The following AKNAD1 variants were observed in gnomAD, a reference collection of about 807,000 sequenced individuals.
The protein encoded by AKNAD1 is AKNA domain containing 1.
AKNAD1 carries 67 observed loss-of-function variants against 90.8 expected under a neutral mutation model. That is an observed-to-expected ratio of 0.74 (90% CI 0.61 to 0.90). The LOEUF is 0.90. AKNAD1 is among the 40% of genes least tolerant of loss of function. The pLI is 0.00. For synonymous variants in AKNAD1, 327 were observed against 341.4 expected (o/e 0.96, Z 0.46); for missense variants, 957 against 975.4 (o/e 0.98, Z 0.25).
chr1:108,825,094 C>A (rs1245991564), intron 11 of AKNAD1, among the ~76,000 whole-genome samples: 1 of 151,570 alleles, frequency 6.6e-6, no homozygotes, highest in Non-Finnish European at 1.5e-5. Context: ...GGAACTGAGA[C>A]CTCCTGCCAA....
At chr1:108,827,868 G>A (rs1453308186) in intron 10 of AKNAD1, among the ~76,000 whole-genome samples, 3 of 150,910 alleles carry the variant, frequency 2.0e-5, no homozygotes, top group Admixed American at 1.3e-4. Flanking sequence ...GTTTTGTTCT[G>A]CCGAGGTTAA....
At chr1:108,846,139 C>T (rs2101207531) in intron 5 of AKNAD1, among the ~76,000 whole-genome samples, 1 of 152,280 alleles carries the variant, frequency 6.6e-6, no homozygotes, top group East Asian at 1.9e-4. Flanking sequence ...GCTCCAAAAT[C>T]CAAATGCTTT....
At position 108,817,173 on chromosome 1, in the gene AKNAD1, T is replaced by C; in HGVS notation, c.2254A>G (p.Lys752Glu). The change falls in exon 15 of 16, where the codon AAA (lysine) becomes GAA (glutamate). Residue 752 changes from lysine to glutamate, a missense_variant. Transcript: ENST00000370001. ...GEHEPTPGKK[K>E]LQAFMTYSSD... ...CTGTAGGTCATGAAAGCCTGAAGTT[T>C]TTTTCTGGAAGACAAAAGCACATTG... 6.2e-7 allele frequency: 1 copy of C among 1,613,946 alleles called. No individual in the cohort carries two copies. Among genetic ancestry groups the C allele is most frequent in the Non-Finnish European group, 8.5e-7 (1 of 1,179,940 alleles).
rs768258990 is a variant in AKNAD1, at chr1:108,823,606, A to C, written c.2019T>G (p.Ile673Met). Residue 673 changes from isoleucine (I) to methionine (M), a missense_variant, in exon 12 of 16, where the codon ATT becomes ATG. Transcript: ENST00000370001. ...SNKCQDCGTK[I>M]PTSRRACRKE... ...TCCTGCAGGCTCTTCGGGAGGTAGG[A>C]ATCTTAGTGCCACAGTCCTGACATT... is the stretch of plus-strand genomic sequence containing the variant. The C allele has an allele frequency of 6.2e-7, 1 of 1,614,158 alleles. No individual in the cohort carries two copies. The highest frequency in any genetic ancestry group is 8.5e-7 in the Non-Finnish European group (1 of 1,180,022).
At chr1:108,856,507 T>C (rs1011996421) in intron 1 of AKNAD1, among the ~76,000 whole-genome samples, 1 of 151,840 alleles carries the variant, frequency 6.6e-6, no homozygotes, top group African/African-American at 2.4e-5. Flanking sequence ...TGAGAACAGC[T>C]TGGGCAACAA....
At chr1:108,827,429 C>T (rs1054886936) in intron 10 of AKNAD1, 127 bp from the exon 11 acceptor site, 13 of 678,988 alleles carry the variant, frequency 1.9e-5, no homozygotes, top group Admixed American at 9.9e-5. Flanking sequence ...AGGGGCTTGT[C>T]ATCCTCTACA....
chr1:108,856,731 A>ACACACACACACACACAC (rs1553205559), intron 1 of AKNAD1, among the ~76,000 whole-genome samples, 198 bp downstream of exon 1: 3 of 145,200 alleles, frequency 2.1e-5, no homozygotes, highest in South Asian at 2.1e-4. Flanking sequence ...CACACACATA[A>ACACACACACACACACAC]ACACACACAC....
intron 11 of AKNAD1, among the ~76,000 whole-genome samples, chr1:108,825,081 C>T (rs528254362): frequency 5.3e-5 from 8 of 151,640 alleles, no homozygotes; most frequent in South Asian, 4.2e-4. Context: ...GCCCACATGT[C>T]AGGGAACTGA....
chr1:108,857,746 C>T (rs1312460313), upstream of AKNAD1, among the ~76,000 whole-genome samples: 1 of 152,168 alleles, frequency 6.6e-6, no homozygotes, highest in African/African-American at 2.4e-5. Flanking sequence ...CTTATCTGCC[C>T]CTCCACTAAG....
chr1:108,848,610 C>T, intron 5 of AKNAD1, 142 bp downstream of exon 5: 1 of 716,962 alleles, frequency 1.4e-6, no homozygotes, highest in Non-Finnish European at 2.3e-6. Context: ...CTTTTAGCCC[C>T]CATAAACAAA....
At chr1:108,840,395 T>C (rs1411796609) in intron 6 of AKNAD1, among the ~76,000 whole-genome samples, 3 of 152,132 alleles carry the variant, frequency 2.0e-5, no homozygotes, top group African/African-American at 7.2e-5. Flanking sequence ...ATGTGTAAAA[T>C]CTGCATGAAG....
chr1:108,840,628 A>T (rs1049695090), intron 6 of AKNAD1, among the ~76,000 whole-genome samples: 1 of 152,226 alleles, frequency 6.6e-6, no homozygotes, highest in Admixed American at 6.5e-5. Flanking sequence ...GTTTATGTGG[A>T]TAATGTAGAA....
At chr1:108,848,185 G>T (rs1438709018) in intron 5 of AKNAD1, among the ~76,000 whole-genome samples, 1 of 152,070 alleles carries the variant, frequency 6.6e-6, no homozygotes, top group African/African-American at 2.4e-5. Flanking sequence ...GCATACTTCT[G>T]GTTCTCCCAG....
rs1664879384 is a variant in AKNAD1, at chr1:108,851,979, T to C, written c.686A>G (p.Gln229Arg). 2 of 1,614,100 alleles carry C rather than the reference T, an allele frequency of 1.2e-6. No individual in the cohort carries two copies. The highest frequency in any genetic ancestry group is 1.7e-6 in the Non-Finnish European group (2 of 1,180,050). ...KGPGDKQKSY[Q>R]GQSPQKQQTE... ...CTGCTGTTTCTGGGGTGACTGCCCT[T>C]GATAACTTTTTTGTTTATCACCTGG... Residue 229 changes from glutamine (Q) to arginine (R), a missense_variant, in exon 2 of 16, where the codon CAA (glutamine) becomes CGA (arginine). Gln to Arg is a conservative substitution (Grantham distance 43, BLOSUM62 1). Transcript: ENST00000370001.
intron 9 of AKNAD1, among the ~76,000 whole-genome samples, chr1:108,831,787 C>A (rs1664206948): frequency 6.6e-6 from 1 of 152,032 alleles, no homozygotes; most frequent in African/African-American, 2.4e-5. Context: ...CCACTACCCC[C>A]AGCTAATTTT....
rs537293407 is a variant in AKNAD1, at chr1:108,856,913, A to G, written c.-104+16T>C. On this transcript the variant is annotated intron_variant, in intron 1 of 15. Transcript: ENST00000370001. ...AAATATCAAGAGGATTTTTTCTGGA[A>G]AAGGACAATCCATACCCTTAGCAAG... The G allele has an allele frequency of 1.2e-3, 177 of 152,320 alleles. 1 individual carries two copies. Among genetic ancestry groups the G allele is most frequent in the African/African-American group, 4.2e-3 (174 of 41,578 alleles). The allele number at this position is 152,320 out of a possible 1,614,324, so 9.4% of individuals were successfully genotyped here.
intron 10 of AKNAD1, among the ~76,000 whole-genome samples, chr1:108,829,621 T>A (rs1277225): frequency 1.1e-4 from 16 of 151,954 alleles, no homozygotes; most frequent in Middle Eastern, 3.4e-3. Context: ...ACGAGCTTCA[T>A]GCAGTTTCTT....
At chr1:108,821,592 A>G (rs958851371) in intron 13 of AKNAD1, among the ~76,000 whole-genome samples, 16 of 152,196 alleles carry the variant, frequency 1.1e-4, no homozygotes, top group African/African-American at 3.9e-4. Context: ...TGGAGAAATA[A>G]TATCTTCCAA....
chr1:108,819,619 A>AT (rs869092407), intron 14 of AKNAD1, among the ~76,000 whole-genome samples: 2 of 148,310 alleles, frequency 1.3e-5, no homozygotes, highest in Admixed American at 6.7e-5. Context: ...CTCAAAAAAA[A>AT]TTTTTTTTTA....
Sources: allele counts gnomAD v4.1 joint callset (sites outside exome capture counted in the v4.1 genomes callset), GRCh38; gene constraint gnomAD v4.1.1; transcripts MANE v1.5; gene names NCBI Gene and HGNC (gene_info 2026-07-23, HGNC 2026-07-21).